The following PCDHA10 variants were observed in gnomAD, a reference collection of about 807,000 sequenced individuals.
PCDHA10 encodes the protein protocadherin alpha-10.
In PCDHA10, 45 loss-of-function variants were observed where a neutral mutation model predicts 61.2. The observed-to-expected ratio is 0.74, with a 90% CI of 0.58 to 0.94. PCDHA10 has a LOEUF of 0.94. Among genes scored for constraint, PCDHA10 ranks in the 40% least tolerant of loss-of-function variants. The probability of loss-of-function intolerance (pLI) is 0.00; values close to 1 mark genes in which losing one functional copy is unlikely to be tolerated. For missense variants in PCDHA10, 1,278 were observed against 1,236.2 expected (o/e 1.03, Z -0.51); for synonymous variants, 602 against 548.8 (o/e 1.10, Z -1.35).
intron 3 of PCDHA10, among the ~76,000 whole-genome samples, chr5:140,993,762 A>G (rs1019928055): frequency 2.6e-5 from 4 of 152,204 alleles, no homozygotes; most frequent in Non-Finnish European, 4.4e-5. Flanking sequence ...TTATATTACA[A>G]TTGCGCAGTA....
Position 140,876,739 on chromosome 5 carries a change from C to T in PCDHA10, c.2388+18303C>T, listed in dbSNP as rs782400807. The T allele has an allele frequency of 7.4e-6, 12 of 1,614,126 alleles. No homozygotes were observed. The South Asian group carries it at 1.1e-4, about 15-fold the overall frequency. ...CCGCGAGAGCGTGTCGGCCTATGAG[C>T]TGGTGGTGACTGCGCGGGATGGGGG... On this transcript the variant is annotated intron_variant, in intron 1 of 3. Coordinates refer to ENST00000307360, the MANE Select transcript of PCDHA10 (RefSeq NM_018901.4).
intron 1 of PCDHA10, among the ~76,000 whole-genome samples, chr5:140,912,582 T>C (rs2075986919): frequency 6.6e-6 from 1 of 152,214 alleles, no homozygotes. Context: ...TTTTCCAATT[T>C]GGATGCCCTT....
chr5:141,006,356 C>T (rs1342790572), intron 3 of PCDHA10, among the ~76,000 whole-genome samples: 4 of 151,920 alleles, frequency 2.6e-5, no homozygotes, highest in South Asian at 2.1e-4. Flanking sequence ...GGACTATAGG[C>T]GCCCACCACC....
intron 2 of PCDHA10, 36 bp downstream of exon 2, chr5:140,979,043 C>G: frequency 6.2e-7 from 1 of 1,612,500 alleles, no homozygotes. Context: ...CAGAAGTAAC[C>G]TTAACTTGGT....
At chr5:140,975,304 G>A (rs1395392874) in intron 1 of PCDHA10, among the ~76,000 whole-genome samples, 2 of 152,200 alleles carry the variant, frequency 1.3e-5, no homozygotes, top group African/African-American at 2.4e-5. Context: ...AAGAGCTCAT[G>A]TGATTATGTC....
intron 1 of PCDHA10, among the ~76,000 whole-genome samples, chr5:140,954,144 A>G (rs560378033): frequency 2.0e-5 from 3 of 152,232 alleles, no homozygotes; most frequent in Non-Finnish European, 4.4e-5. Flanking sequence ...ATAGTATTCC[A>G]TGGTGTATAT....
chr5:140,931,111 G>A (rs1584701423), intron 1 of PCDHA10, among the ~76,000 whole-genome samples: 2 of 152,116 alleles, frequency 1.3e-5, no homozygotes, highest in East Asian at 3.8e-4. Flanking sequence ...TAATAGGTAT[G>A]CACATCATTA....
intron 1 of PCDHA10, chr5:140,927,314 C>G: frequency 6.2e-7 from 1 of 1,614,194 alleles, no homozygotes; most frequent in East Asian, 2.2e-5. Flanking sequence ...ACGCCCGGAG[C>G]CCGCTTTACT....
Position 140,857,676 on chromosome 5 carries a change from C to T in PCDHA10, c.1628C>T (p.Pro543Leu), listed in dbSNP as rs1178476676. The T allele has an allele frequency of 6.3e-7, 1 of 1,596,974 alleles. No individual in the cohort carries two copies. Among genetic ancestry groups the T allele is most frequent in the Non-Finnish European group, 8.6e-7 (1 of 1,167,760 alleles). Residue 543 changes from proline (P) to leucine (L), a missense_variant, in exon 1 of 4, where the codon CCT becomes CTT. Coordinates refer to ENST00000307360, the MANE Select transcript of PCDHA10 (RefSeq NM_018901.4). ...AGCGCGCGCGATGGGGGCGTGCCGC[C>T]TCTGGGCAGCAACTTGACGCTGCAG... ...QVSARDGGVP[P>L]LGSNLTLQVF...
At chr5:140,988,600 T>C (rs962869761) in intron 3 of PCDHA10, among the ~76,000 whole-genome samples, 15 of 152,214 alleles carry the variant, frequency 9.9e-5, no homozygotes, top group Non-Finnish European at 1.8e-4. Context: ...AATGGTCATG[T>C]AAATAAAAGA....
chr5:141,009,760 A>G lies in PCDHA10; in HGVS notation c.2670A>G (p.Gly890=), dbSNP rs782167920. The change falls in exon 4 of 4, where the codon GGA becomes GGG. Residue 890 remains glycine, a synonymous_variant. Coordinates refer to ENST00000307360, the MANE Select transcript of PCDHA10 (RefSeq NM_018901.4). ...GELPDKFIIP[G]SPAIISIRQE... ...TGCCCGACAAATTCATTATCCCAGGATCTCCTGCAATCATCTCCATCCGGC... is the reference window on the plus strand; with the variant it reads ...TGCCCGACAAATTCATTATCCCAGGGTCTCCTGCAATCATCTCCATCCGGC... 6.2e-7 allele frequency: 1 copy of G among 1,614,130 alleles called. No homozygotes were observed. Among genetic ancestry groups the G allele is most frequent in the Non-Finnish European group, 8.5e-7 (1 of 1,180,026 alleles).
At chr5:141,001,223 A>G (rs1349302343) in intron 3 of PCDHA10, among the ~76,000 whole-genome samples, 6 of 152,228 alleles carry the variant, frequency 3.9e-5, no homozygotes, top group Non-Finnish European at 8.8e-5. Context: ...AAGGATAGTT[A>G]CATTTAATCT....
At chr5:140,871,086 G>GGCCACC (rs782688668) in intron 1 of PCDHA10, 1 of 1,613,256 alleles carries the variant, frequency 6.2e-7, no homozygotes, top group Non-Finnish European at 8.5e-7. Context: ...TGACGGCCAC[G>GGCCACC]GCCACCGTGC....
At chr5:140,892,136 G>T (rs1441807118) in intron 1 of PCDHA10, among the ~76,000 whole-genome samples, 1 of 152,254 alleles carries the variant, frequency 6.6e-6, no homozygotes, top group East Asian at 1.9e-4. Flanking sequence ...TAAGCTCATG[G>T]TTTTAGCGTC....
chr5:140,966,731 G>T, intron 1 of PCDHA10: 8 of 1,405,136 alleles, frequency 5.7e-6, no homozygotes, highest in Non-Finnish European at 7.4e-6. Context: ...TGCCGCCTCC[G>T]GCCCTGCCCG....
chr5:140,927,838 G>C, intron 1 of PCDHA10: 1 of 1,614,210 alleles, frequency 6.2e-7, no homozygotes, highest in Non-Finnish European at 8.5e-7. Context: ...GAGGGACGAA[G>C]GTGTCTTTGG....
chr5:140,978,994 G>A lies in PCDHA10; in HGVS notation c.2434G>A (p.Ala812Thr). The A allele has an allele frequency of 6.2e-7, 1 of 1,614,152 alleles. No homozygotes were observed. The highest frequency in any genetic ancestry group is 8.5e-7 in the Non-Finnish European group (1 of 1,180,022). The change falls in exon 2 of 4, where the codon GCA (alanine) becomes ACA (threonine). Residue 812 changes from alanine to threonine, a missense_variant. Coordinates refer to ENST00000307360, the MANE Select transcript of PCDHA10 (RefSeq NM_018901.4). ...CTGGCGTTACTCTGCCTCCCTGAGA[G>A]CAGGCATGCACAGGTATGTATTTCC... ...PDWRYSASLR[A>T]GMHSSVHLEE... is the part of the protein sequence containing the mutation.
chr5:140,940,770 T>A (rs560965178), intron 1 of PCDHA10, among the ~76,000 whole-genome samples: 5 of 152,270 alleles, frequency 3.3e-5, no homozygotes, highest in Non-Finnish European at 7.3e-5. Context: ...ATTTGACTTT[T>A]GATGGTCCAT....
chr5:140,911,477 T>A (rs1457881834), intron 1 of PCDHA10, among the ~76,000 whole-genome samples: 2 of 152,132 alleles, frequency 1.3e-5, no homozygotes, highest in Non-Finnish European at 2.9e-5. Context: ...AGACTCTCAC[T>A]CAGGGCAATC....
Sources: gnomAD v4.1 joint callset for allele counts (sites outside exome capture counted in the v4.1 genomes callset) on GRCh38, gnomAD v4.1.1 for gene constraint, MANE v1.5 for transcripts, NCBI Gene and HGNC (gene_info 2026-07-23, HGNC 2026-07-21) for gene names.